CFTR: variants seen among roughly 807,000 people sequenced by gnomAD.
The protein encoded by CFTR is CF transmembrane conductance regulator.
A neutral mutation model predicts 171.6 loss-of-function variants in CFTR; 181 were observed. The ratio of observed to expected loss-of-function variants is 1.05; its 90% CI spans 0.93 to 1.19. The LOEUF (loss-of-function observed/expected upper bound fraction) is 1.19. Among genes scored for constraint, CFTR ranks in the 50% most tolerant of loss-of-function variants. The pLI is 0.00. For synonymous variants in CFTR, 583 were observed against 608.0 expected, an observed-to-expected ratio of 0.96 and a Z score of 0.60; for missense variants, 1,968 against 1,734.7, an observed-to-expected ratio of 1.13 and a Z score of -2.39.
rs1446136218 is a variant in CFTR, at chr7:117,662,421, C to A, written c.3964-2267C>A. On this transcript the variant is annotated intron_variant, in intron 24 of 26. Coordinates refer to ENST00000003084, the MANE Select transcript of CFTR (RefSeq NM_000492.4). ...TATCACTAGGTGCCTGGTTGAATGG[C>A]TTAAGAGATGATCAGGGATATTCAG... is the stretch of plus-strand genomic sequence containing the variant. Among the ~76,000 whole-genome samples, 4 of 152,106 alleles carry A rather than the reference C, an allele frequency of 2.6e-5. No individual in the cohort carries two copies. In the East Asian group the frequency reaches 7.7e-4, roughly 29 times the overall value.
chr7:117,562,271 TTAGTGAC>T (rs1375261530), intron 11 of CFTR, among the ~76,000 whole-genome samples: 1 of 152,166 alleles, frequency 6.6e-6, no homozygotes, highest in Non-Finnish European at 1.5e-5. Context: ...ACAGTTCTTA[TTAGTGAC>T]TACTGTGCAG....
At position 117,548,816 on chromosome 7, in the gene CFTR, C is replaced by T. The variant is rs1422519885; in HGVS notation, c.1385C>T (p.Ala462Val). 1 of 1,609,592 alleles carries T rather than the reference C, an allele frequency of 6.2e-7. No individual in the cohort carries two copies. Among genetic ancestry groups the T allele is most frequent in the South Asian group, 1.1e-5 (1 of 90,586 alleles). The change falls in exon 10 of 27, where the codon GCA becomes GTA. Residue 462 changes from alanine to valine, a missense_variant. By Grantham distance (64) the Ala-to-Val change is moderately conservative. Coordinates refer to ENST00000003084, the MANE Select transcript of CFTR (RefSeq NM_000492.4). ...TTGGCGGTTGCTGGATCCACTGGAG[C>T]AGGCAAGGTAGTTCTTTTGTTCTTC... ...QLLAVAGSTG[A>V]GKTSLLMVIM...
intron 3 of CFTR, among the ~76,000 whole-genome samples, chr7:117,522,295 G>A (rs1798696942): frequency 6.6e-6 from 1 of 152,200 alleles, no homozygotes; most frequent in African/African-American, 2.4e-5. Flanking sequence ...TGCAGACTCA[G>A]ATCATATAAT....
chr7:117,495,680 A>T (rs1798225796), intron 1 of CFTR, among the ~76,000 whole-genome samples: 1 of 152,182 alleles, frequency 6.6e-6, no homozygotes, highest in Non-Finnish European at 1.5e-5. Context: ...AATATGCATG[A>T]AATCTTAAAT....
intron 15 of CFTR, among the ~76,000 whole-genome samples, chr7:117,602,483 T>A (rs1206661527): frequency 6.6e-6 from 1 of 152,266 alleles, no homozygotes; most frequent in Non-Finnish European, 1.5e-5. Context: ...AGTCTGAGAT[T>A]AGTTTCTTTA....
chr7:117,652,131 A>C (rs987169591), intron 23 of CFTR, among the ~76,000 whole-genome samples: 1 of 152,210 alleles, frequency 6.6e-6, no homozygotes, highest in African/African-American at 2.4e-5. Flanking sequence ...AGAATTAAGT[A>C]GACGGTGATC....
At chr7:117,642,334 G>A (rs1792928639) in intron 22 of CFTR, 104 bp from the exon 23 acceptor site, 3 of 1,144,198 alleles carry the variant, frequency 2.6e-6, no homozygotes, top group African/African-American at 3.0e-5. Context: ...ACTGGTGACA[G>A]GATAAAATAT....
intron 3 of CFTR, among the ~76,000 whole-genome samples, chr7:117,512,892 C>G (rs1439842722): frequency 6.6e-6 from 1 of 152,098 alleles, no homozygotes; most frequent in Non-Finnish European, 1.5e-5. Flanking sequence ...TCAGTGCAGC[C>G]TAGGTCAGAC....
At chr7:117,666,503 G>A (rs1793378463) in intron 26 of CFTR, among the ~76,000 whole-genome samples, 1 of 152,178 alleles carries the variant, frequency 6.6e-6, no homozygotes, top group Admixed American at 6.5e-5. Flanking sequence ...AGCCAAGGAG[G>A]TGTATTAAAC....
chr7:117,659,020 C>A (rs538692655), intron 24 of CFTR, among the ~76,000 whole-genome samples: 3 of 152,208 alleles, frequency 2.0e-5, no homozygotes, highest in Admixed American at 1.3e-4. Flanking sequence ...TGGCTTTCTA[C>A]ACTCACTGCC....
At chr7:117,496,791 A>C (rs536867753) in intron 1 of CFTR, among the ~76,000 whole-genome samples, 1 of 152,006 alleles carries the variant, frequency 6.6e-6, no homozygotes, top group Admixed American at 6.6e-5. Context: ...AATTCCTTCC[A>C]CCATTGTGTG....
At position 117,535,374 on chromosome 7, in the gene CFTR, T is replaced by C; in HGVS notation, c.706T>C (p.Phe236Leu). ...TGGTTTCCTGATAGTCCTTGCCCTT[T>C]TTCAGGCTGGGCTAGGGAGAATGAT... Reference protein sequence around the residue: ...GLGFLIVLALFQAGLGRMMMK... With the variant: ...GLGFLIVLALLQAGLGRMMMK... The change falls in exon 6 of 27, where the codon TTT becomes CTT. Residue 236 changes from phenylalanine (F) to leucine (L), a missense_variant. Phe to Leu is a conservative substitution (Grantham distance 22, BLOSUM62 0). Transcript: ENST00000003084. The C allele has an allele frequency of 6.2e-7, 1 of 1,614,136 alleles. No homozygotes were observed. Among genetic ancestry groups the C allele is most frequent in the Non-Finnish European group, 8.5e-7 (1 of 1,180,012 alleles).
intron 1 of CFTR, among the ~76,000 whole-genome samples, chr7:117,482,190 C>T (rs1399265427): frequency 6.6e-6 from 1 of 152,026 alleles, no homozygotes; most frequent in Non-Finnish European, 1.5e-5. Flanking sequence ...CATGGCCTTA[C>T]CAGATATACA....
At chr7:117,610,701 T>TA in intron 19 of CFTR, 32 bp downstream of exon 19, 1 of 1,610,974 alleles carries the variant, frequency 6.2e-7, no homozygotes, top group Non-Finnish European at 8.5e-7. Context: ...ACTCATCTTG[T>TA]AAAAAAGCTA....
chr7:117,638,338 A>T (rs931191262), intron 22 of CFTR, among the ~76,000 whole-genome samples: 1 of 151,814 alleles, frequency 6.6e-6, no homozygotes, highest in Non-Finnish European at 1.5e-5. Context: ...CTGTTTTTTT[A>T]TTTTTTTTAT....
Position 117,559,538 on chromosome 7 carries a change from AT to A in CFTR, c.1469del (p.Phe490SerfsTer37), listed in dbSNP as rs775663783. On this transcript the variant is annotated frameshift_variant, in exon 11 of 27. Coordinates refer to ENST00000003084, the MANE Select transcript of CFTR (RefSeq NM_000492.4). LOFTEE classifies it high-confidence loss of function. ...AAATTAAGCACAGTGGAAGAATTTC[AT>A]TCTGTTCTCAGTTTTCCTGGATTAT... ...GKIKHSGRIS[F>X]CSQFSWIMPG... 1 of 1,611,914 alleles carries A rather than the reference AT, an allele frequency of 6.2e-7. No individual in the cohort carries two copies. The highest frequency in any genetic ancestry group is 1.7e-5 in the Admixed American group (1 of 60,016).
At chr7:117,503,380 C>T (rs558031599) in intron 1 of CFTR, among the ~76,000 whole-genome samples, 9 of 152,286 alleles carry the variant, frequency 5.9e-5, no homozygotes, top group African/African-American at 1.9e-4. Context: ...CCTGAGAAAG[C>T]TCTCGTGCTC....
At chr7:117,563,296 TTGATGG>T (rs1791546390) in intron 11 of CFTR, among the ~76,000 whole-genome samples, 2 of 152,162 alleles carry the variant, frequency 1.3e-5, no homozygotes, top group Non-Finnish European at 1.5e-5. Flanking sequence ...ATTATTATTG[TTGATGG>T]TACTATTTGC....
intron 3 of CFTR, among the ~76,000 whole-genome samples, chr7:117,510,522 A>G (rs75011263): frequency 1.6e-4 from 25 of 152,282 alleles, no homozygotes; most frequent in Non-Finnish European, 3.2e-4. Context: ...GAAACTCAAA[A>G]TTTCTCCTGG....
Sources: allele counts gnomAD v4.1 joint callset (sites outside exome capture counted in the v4.1 genomes callset), GRCh38; gene constraint gnomAD v4.1.1; transcripts MANE v1.5; gene names NCBI Gene and HGNC (gene_info 2026-07-23, HGNC 2026-07-21).